Variants in ERBB4 observed in about 807,000 individuals in gnomAD.
ERBB4 encodes erb-b2 receptor tyrosine kinase 4.
Under a neutral mutation model 158.0 loss-of-function variants are expected in ERBB4, and 42 were observed. The ratio of observed to expected loss-of-function variants is 0.27; its 90% CI spans 0.21 to 0.34. The LOEUF (loss-of-function observed/expected upper bound fraction) is 0.34. Among genes scored for constraint, ERBB4 ranks in the 10% least tolerant of loss-of-function variants. The pLI is 1.00. For synonymous variants in ERBB4, 583 were observed against 558.7 expected, an observed-to-expected ratio of 1.04 and a Z score of -0.61; for missense variants, 1,333 against 1,624.1, an observed-to-expected ratio of 0.82 and a Z score of 3.08.
At chr2:211,830,905 C>T (rs1385185237) in intron 3 of ERBB4, among the ~76,000 whole-genome samples, 2 of 151,778 alleles carry the variant, frequency 1.3e-5, no homozygotes, top group Non-Finnish European at 2.9e-5. Flanking sequence ...GATATGGCCA[C>T]ATAAGGCATG....
At chr2:211,935,125 T>TA (rs1559134560) in intron 3 of ERBB4, among the ~76,000 whole-genome samples, 2 of 152,244 alleles carry the variant, frequency 1.3e-5, no homozygotes, top group East Asian at 3.9e-4. Context: ...CTGAACTCTA[T>TA]AAATTATTGT....
intron 12 of ERBB4, among the ~76,000 whole-genome samples, chr2:211,701,491 T>C (rs1051261806): frequency 2.6e-5 from 4 of 151,676 alleles, no homozygotes; most frequent in African/African-American, 9.7e-5. Context: ...GCGCGGTGGC[T>C]CATGCCTGTA....
chr2:211,522,584 T>C (rs2066218600), intron 20 of ERBB4, among the ~76,000 whole-genome samples: 1 of 152,164 alleles, frequency 6.6e-6, no homozygotes, highest in Non-Finnish European at 1.5e-5. Context: ...ACTCCAATTT[T>C]GAAAGAAGTT....
intron 1 of ERBB4, among the ~76,000 whole-genome samples, chr2:212,486,070 C>T (rs983691734): frequency 6.6e-6 from 1 of 151,514 alleles, no homozygotes; most frequent in African/African-American, 2.4e-5. Flanking sequence ...GAAACATTGG[C>T]CCTTAAAATT....
At chr2:212,214,418 G>A (rs1473804878) in intron 1 of ERBB4, among the ~76,000 whole-genome samples, 2 of 151,684 alleles carry the variant, frequency 1.3e-5, no homozygotes, top group Non-Finnish European at 1.5e-5. Flanking sequence ...TATATTTTGG[G>A]ACATACACTA....
chr2:211,930,295 A>C (rs1385598816), intron 3 of ERBB4, among the ~76,000 whole-genome samples: 1 of 152,198 alleles, frequency 6.6e-6, no homozygotes, highest in African/African-American at 2.4e-5. Context: ...GTATCCAAGC[A>C]TATGAAAACC....
At chr2:212,092,819 G>A (rs951138685) in intron 2 of ERBB4, among the ~76,000 whole-genome samples, 6 of 152,160 alleles carry the variant, frequency 3.9e-5, no homozygotes, top group African/African-American at 1.4e-4. Context: ...CCTGTCAGGG[G>A]GCTAGGGGAG....
chr2:212,083,875 T>C (rs1387273608), intron 2 of ERBB4, among the ~76,000 whole-genome samples: 1 of 150,456 alleles, frequency 6.6e-6, no homozygotes, highest in Non-Finnish European at 1.5e-5. Context: ...CTTTATAGAG[T>C]GACTTTATAC....
chr2:211,969,648 T>G (rs2081397792), intron 2 of ERBB4, among the ~76,000 whole-genome samples: 1 of 152,190 alleles, frequency 6.6e-6, no homozygotes, highest in Middle Eastern at 3.4e-3. Context: ...TTAAGGGCAT[T>G]GCTTAATTAG....
intron 2 of ERBB4, among the ~76,000 whole-genome samples, chr2:212,007,373 CTA>C (rs1222569552): frequency 6.6e-6 from 1 of 151,672 alleles, no homozygotes; most frequent in African/African-American, 2.4e-5. Context: ...AATTTTTACT[CTA>C]TTGTTCATTA....
intron 3 of ERBB4, among the ~76,000 whole-genome samples, chr2:211,869,585 G>C (rs1163222469): frequency 6.6e-6 from 1 of 152,056 alleles, no homozygotes; most frequent in East Asian, 1.9e-4. Flanking sequence ...CCGGTACCTA[G>C]CCTATTTCCT....
intron 20 of ERBB4, among the ~76,000 whole-genome samples, chr2:211,523,590 T>G (rs894555077): frequency 6.6e-5 from 10 of 151,854 alleles, no homozygotes; most frequent in African/African-American, 2.2e-4. Context: ...ACCTTCGCAG[T>G]GAGTGTTACA....
In ERBB4 at chr2:211,761,404, TC is replaced by T. The variant is rs560756868; in HGVS notation, c.557-10701del. Among the ~76,000 whole-genome samples, 10 of 152,252 alleles carry T rather than the reference TC, an allele frequency of 6.6e-5. No homozygotes were observed. In the South Asian group the frequency reaches 2.1e-3, roughly 32 times the overall value. On this transcript the variant is annotated intron_variant, in intron 4 of 27. Coordinates refer to ENST00000342788, the MANE Select transcript of ERBB4 (RefSeq NM_005235.3). ...CGTAATATATGCTGTTATCTGTCCTTCTAGTTTCATATTTGGTTGTTTAATC... is the reference window on the plus strand; with the variant it reads ...CGTAATATATGCTGTTATCTGTCCTTTAGTTTCATATTTGGTTGTTTAATC...
chr2:211,527,958 G>A (rs2066395822), intron 20 of ERBB4, among the ~76,000 whole-genome samples: 1 of 151,912 alleles, frequency 6.6e-6, no homozygotes, highest in African/African-American at 2.4e-5. Context: ...AGAAAAAGAA[G>A]ACCACAAAAC....
chr2:211,690,396 T>C (rs997748800), intron 12 of ERBB4, among the ~76,000 whole-genome samples: 3 of 152,160 alleles, frequency 2.0e-5, no homozygotes, highest in Admixed American at 6.6e-5. Context: ...TTACATGCTT[T>C]GACATAAATT....
intron 3 of ERBB4, among the ~76,000 whole-genome samples, chr2:211,858,964 T>C (rs1347810045): frequency 6.6e-6 from 1 of 152,078 alleles, no homozygotes; most frequent in Non-Finnish European, 1.5e-5. Context: ...GTATTTTTAA[T>C]AGAGACAGGG....
chr2:211,396,760 T>C (rs1049549160), intron 25 of ERBB4, among the ~76,000 whole-genome samples: 3 of 152,212 alleles, frequency 2.0e-5, no homozygotes, highest in Admixed American at 6.5e-5. Context: ...AGTGTTCCTA[T>C]AATTGCAGTG....
intron 1 of ERBB4, among the ~76,000 whole-genome samples, chr2:212,168,144 A>C (rs2081406978): frequency 6.6e-6 from 1 of 151,884 alleles, no homozygotes; most frequent in African/African-American, 2.4e-5. Flanking sequence ...TCAAGTCTTT[A>C]AAATTACTTC....
chr2:211,705,414 A>G, intron 9 of ERBB4, 23 bp from the exon 10 acceptor site: 8 of 1,481,372 alleles, frequency 5.4e-6, no homozygotes, highest in Non-Finnish European at 7.5e-6. Flanking sequence ...GAAGAGATGT[A>G]GCCAAATTTA....
Sources: allele counts gnomAD v4.1 joint callset (sites outside exome capture counted in the v4.1 genomes callset), GRCh38; gene constraint gnomAD v4.1.1; transcripts MANE v1.5; gene names NCBI Gene and HGNC (gene_info 2026-07-23, HGNC 2026-07-21).